The following CLIP1 variants were observed in gnomAD, a reference collection of about 807,000 sequenced individuals.
The protein encoded by CLIP1 is CAP-Gly domain-containing linker protein 1.
A neutral mutation model predicts 161.6 loss-of-function variants in CLIP1; 66 were observed. That is an observed-to-expected ratio of 0.41 (90% CI 0.33 to 0.50). CLIP1 has a LOEUF of 0.50. Among genes scored for constraint, CLIP1 ranks in the 20% least tolerant of loss-of-function variants. The pLI, the probability that CLIP1 is intolerant of heterozygous loss-of-function variation, is 0.27. For synonymous variants in CLIP1, 598 were observed against 626.2 expected (o/e 0.96, Z 0.67); for missense variants, 1,376 against 1,702.0 (o/e 0.81, Z 3.37).
chr12:122,326,048 G>A (rs1334817756), intron 17 of CLIP1, among the ~76,000 whole-genome samples: 1 of 152,208 alleles, frequency 6.6e-6, no homozygotes, highest in Non-Finnish European at 1.5e-5. Flanking sequence ...GGAATAGGAG[G>A]CTTCATGGGT....
intron 24 of CLIP1, chr12:122,277,842 A>G (rs1955492670): frequency 3.8e-6 from 1 of 262,634 alleles, no homozygotes; most frequent in Non-Finnish European, 7.2e-6. Context: ...GTTAAAAAAA[A>G]AAAAGGGAGG....
At chr12:122,286,939 A>C (rs373662692) in intron 21 of CLIP1, among the ~76,000 whole-genome samples, 39 of 152,198 alleles carry the variant, frequency 2.6e-4, no homozygotes, top group African/African-American at 9.1e-4. Flanking sequence ...CGGAGGTTGC[A>C]GTGAGCCGAG....
intron 20 of CLIP1, among the ~76,000 whole-genome samples, chr12:122,299,224 A>G (rs1950583286): frequency 1.3e-5 from 2 of 152,150 alleles, no homozygotes; most frequent in African/African-American, 4.8e-5. Flanking sequence ...CCTTTGGCCT[A>G]GACTCTGGCA....
intron 1 of CLIP1, among the ~76,000 whole-genome samples, chr12:122,401,850 A>T (rs1956153987): frequency 6.7e-6 from 1 of 150,360 alleles, no homozygotes; most frequent in African/African-American, 2.5e-5. Context: ...ATACAAAATT[A>T]TCCAGGTGTG....
At chr12:122,362,713 TAAAAA>T (rs34046739) in intron 4 of CLIP1, among the ~76,000 whole-genome samples, 3 of 105,804 alleles carry the variant, frequency 2.8e-5, no homozygotes, top group African/African-American at 7.4e-5. Context: ...AAAAATATGA[TAAAAA>T]AAAAAAAAAA....
chr12:122,379,597 C>A (rs1280687367), intron 2 of CLIP1, among the ~76,000 whole-genome samples: 1 of 151,388 alleles, frequency 6.6e-6, no homozygotes, highest in African/African-American at 2.4e-5. Context: ...AAACAAAAAA[C>A]CCTACAAAAA....
intron 11 of CLIP1, among the ~76,000 whole-genome samples, chr12:122,338,777 T>C (rs1405900806): frequency 6.6e-6 from 1 of 152,162 alleles, no homozygotes; most frequent in African/African-American, 2.4e-5. Flanking sequence ...AACTTGGCTT[T>C]CATGAAATCT....
intron 17 of CLIP1, among the ~76,000 whole-genome samples, chr12:122,327,132 G>T (rs1361306609): frequency 6.6e-6 from 1 of 152,112 alleles, no homozygotes; most frequent in East Asian, 1.9e-4. Flanking sequence ...TGAACTTCGT[G>T]AAGTTACCAG....
At position 122,293,720 on chromosome 12, in the gene CLIP1, C is replaced by T. The variant is rs142798499; in HGVS notation, c.3595-5179G>A. ...CTCGAACTCCTGACCTCAGGTGATC[C>T]GCCCGCCTCGGCCTCCCAAAGTGCT... is the stretch of plus-strand genomic sequence containing the variant. On this transcript the variant is annotated intron_variant, in intron 20 of 25. Coordinates refer to ENST00000620786, the MANE Select transcript of CLIP1 (RefSeq NM_001247997.2). 7.5e-4 allele frequency among the ~76,000 whole-genome samples: 114 copies of T among 151,978 alleles called. 3 individuals carry two copies. In the East Asian group the frequency reaches 0.02, roughly 27 times the overall value.
intron 12 of CLIP1, among the ~76,000 whole-genome samples, chr12:122,335,876 G>A (rs1456345081): frequency 6.6e-6 from 1 of 151,958 alleles, no homozygotes; most frequent in Non-Finnish European, 1.5e-5. Context: ...GAACAGCGAA[G>A]AGGAAGGGAT....
rs774769309 is a variant in CLIP1, at chr12:122,377,664, C to A, written c.382G>T (p.Val128Leu). The A allele has an allele frequency of 6.2e-7, 1 of 1,613,698 alleles. No individual in the cohort carries two copies. The highest frequency in any genetic ancestry group is 8.5e-7 in the Non-Finnish European group (1 of 1,179,968). The part of the protein sequence containing the change: ...FTRPSKLTRK[V>L]QAEDEANGLQ... Reference sequence around the variant, plus strand: ...CCATTAGCTTCATCTTCTGCTTGCACCTTCCTTGTTAACTTTGAAGGTCGG... The same window carrying A: ...CCATTAGCTTCATCTTCTGCTTGCAACTTCCTTGTTAACTTTGAAGGTCGG... The change falls in exon 3 of 26, where the codon GTG (valine) becomes TTG (leucine). Residue 128 changes from valine to leucine, a missense_variant. Val to Leu is a conservative substitution (Grantham distance 32). Transcript: ENST00000620786.
intron 16 of CLIP1, 22 bp from the exon 17 acceptor site, chr12:122,328,184 GA>G (rs766757868): frequency 1.9e-6 from 3 of 1,613,550 alleles, no homozygotes; most frequent in South Asian, 2.2e-5. Context: ...CCGAATGAGG[GA>G]ATGAGTCATC....
At chr12:122,344,534 A>G (rs1025634692) in intron 10 of CLIP1, among the ~76,000 whole-genome samples, 6 of 152,252 alleles carry the variant, frequency 3.9e-5, no homozygotes, top group African/African-American at 1.4e-4. Flanking sequence ...CTTAGTTACA[A>G]CAAAACAGTC....
At chr12:122,305,284 A>G (rs1475948034) in intron 20 of CLIP1, among the ~76,000 whole-genome samples, 2 of 152,216 alleles carry the variant, frequency 1.3e-5, no homozygotes, top group Non-Finnish European at 2.9e-5. Flanking sequence ...CCCTATGAAA[A>G]GAAAATAGGG....
At chr12:122,421,723 T>A (rs1023417019) in intron 1 of CLIP1, among the ~76,000 whole-genome samples, 7 of 152,214 alleles carry the variant, frequency 4.6e-5, no homozygotes, top group Admixed American at 3.9e-4. Context: ...AAAAGCCACA[T>A]GAAGTGGAGA....
At chr12:122,415,193 G>A (rs1956696319) in intron 1 of CLIP1, among the ~76,000 whole-genome samples, 1 of 152,116 alleles carries the variant, frequency 6.6e-6, no homozygotes, top group African/African-American at 2.4e-5. Context: ...AATTAAGATT[G>A]AAAAGTGGCT....
chr12:122,375,845 G>A, intron 3 of CLIP1, among the ~76,000 whole-genome samples: 1 of 146,702 alleles, frequency 6.8e-6, no homozygotes, highest in Non-Finnish European at 1.5e-5. Flanking sequence ...TCTTGCTGGA[G>A]TGCCATGACA....
intron 3 of CLIP1, among the ~76,000 whole-genome samples, chr12:122,375,164 TA>T (rs1024714352): frequency 3.3e-5 from 5 of 149,822 alleles, no homozygotes; most frequent in Non-Finnish European, 4.5e-5. Flanking sequence ...TGCCCCTCTT[TA>T]AAAAAAAAAT....
rs143820869 is a variant in CLIP1, at chr12:122,364,063, G to T, written c.702C>A (p.Thr234=). The change falls in exon 4 of 26, where the codon ACC becomes ACA. Residue 234 remains threonine, a synonymous_variant. Coordinates refer to ENST00000620786, the MANE Select transcript of CLIP1 (RefSeq NM_001247997.2). The part of the protein sequence containing the change: ...KAGVVRFLGE[T]DFAKGEWCGV... ...CACACCACTCCCCCTTGGCAAAGTC[G>T]GTCTCCCCAAGAAACCGGACTACAC... 6.8e-6 allele frequency: 11 copies of T among 1,613,982 alleles called. No individual in the cohort carries two copies. In the South Asian group the frequency reaches 9.9e-5, roughly 15 times the overall value.
Sources: allele counts gnomAD v4.1 joint callset (sites outside exome capture counted in the v4.1 genomes callset), GRCh38; gene constraint gnomAD v4.1.1; transcripts MANE v1.5; gene names NCBI Gene and HGNC (gene_info 2026-07-23, HGNC 2026-07-21).